The following ENTREP2 variants were observed in gnomAD, a reference collection of about 807,000 sequenced individuals.
ENTREP2 encodes protein ENTREP2.
chr15:29,591,831 A>AGAG, the ENTREP2 span, among the ~76,000 whole-genome samples: 16 of 100,088 alleles, frequency 1.6e-4, no homozygotes, highest in Non-Finnish European at 2.0e-4. Flanking sequence ...CCATCTCAAA[A>AGAG]GAGAAGAAGA....
At chr15:29,330,656 C>T in the ENTREP2 span, among the ~76,000 whole-genome samples, 3 of 152,126 alleles carry the variant, frequency 2.0e-5, no homozygotes, top group South Asian at 4.2e-4. Context: ...AACATGGCGA[C>T]GAAACGTGAT....
the ENTREP2 span, among the ~76,000 whole-genome samples, chr15:29,502,088 A>G: frequency 6.6e-6 from 1 of 151,844 alleles, no homozygotes; most frequent in Non-Finnish European, 1.5e-5. Flanking sequence ...CAAAAATCTC[A>G]TCGAGAATTT....
At chr15:29,205,671 T>G in the ENTREP2 span, among the ~76,000 whole-genome samples, 2 of 152,220 alleles carry the variant, frequency 1.3e-5, no homozygotes, top group East Asian at 3.8e-4. Flanking sequence ...TTGGGTTGTT[T>G]GTGTTCTTGT....
chr15:29,637,282 G>C, the ENTREP2 span, among the ~76,000 whole-genome samples: 44 of 152,302 alleles, frequency 2.9e-4, 1 homozygote, highest in East Asian at 3.7e-3. Context: ...GAAATAGTAG[G>C]GGGTGGCAAT....
the ENTREP2 span, among the ~76,000 whole-genome samples, chr15:29,295,724 A>T: frequency 2.4e-3 from 371 of 152,316 alleles, 1 homozygote; most frequent in African/African-American, 8.5e-3. Context: ...TCTGATAACC[A>T]TCCTGGCTAC....
chr15:29,220,822 A>G, the ENTREP2 span, among the ~76,000 whole-genome samples: 1 of 152,284 alleles, frequency 6.6e-6, no homozygotes, highest in African/African-American at 2.4e-5. Context: ...GGGAAAAAAA[A>G]AAACTACCTG....
the ENTREP2 span, chr15:29,269,279 C>T: frequency 6.2e-7 from 1 of 1,614,222 alleles, no homozygotes; most frequent in African/African-American, 1.3e-5. Flanking sequence ...TCAAGTTCCA[C>T]CAGCTTATAC....
At chr15:29,577,140 A>G in the ENTREP2 span, among the ~76,000 whole-genome samples, 7 of 152,058 alleles carry the variant, frequency 4.6e-5, no homozygotes, top group African/African-American at 1.7e-4. Flanking sequence ...AGAAAGAAAG[A>G]AAGGAGCAAG....
the ENTREP2 span, among the ~76,000 whole-genome samples, chr15:29,471,389 C>A: frequency 1.3e-5 from 2 of 152,210 alleles, no homozygotes. Context: ...CCAGCATGGA[C>A]TGGGATGTGC....
chr15:29,412,582 A>G, the ENTREP2 span, among the ~76,000 whole-genome samples: 1 of 152,130 alleles, frequency 6.6e-6, no homozygotes, highest in Admixed American at 6.5e-5. Context: ...ACGTTTTTCT[A>G]TAAATCTGTC....
chr15:29,139,046 G>A, the ENTREP2 span, among the ~76,000 whole-genome samples: 1 of 152,142 alleles, frequency 6.6e-6, no homozygotes, highest in African/African-American at 2.4e-5. Flanking sequence ...GACTGGAGCT[G>A]CGTGGTAGGA....
At chr15:29,331,410 G>T in the ENTREP2 span, among the ~76,000 whole-genome samples, 4 of 152,072 alleles carry the variant, frequency 2.6e-5, no homozygotes, top group African/African-American at 9.7e-5. Flanking sequence ...GGGGAGGTCA[G>T]GTCAGAACAC....
At chr15:29,444,202 G>GAAAGAAAGAAAGAAAGAAAGA in the ENTREP2 span, among the ~76,000 whole-genome samples, 5 of 142,628 alleles carry the variant, frequency 3.5e-5, no homozygotes, top group African/African-American at 1.4e-4. Flanking sequence ...AAGAAAGAAA[G>GAAAGAAAGAAAGAAAGAAAGA]AAAGAAAGAA....
the ENTREP2 span, among the ~76,000 whole-genome samples, chr15:29,444,170 C>CAAAGAAAG: frequency 1.5e-3 from 105 of 71,494 alleles, 2 homozygotes; most frequent in Admixed American, 2.9e-3. Context: ...GAAAGACAGA[C>CAAAGAAAG]AAAGAAAGAA....
At chr15:29,357,657 G>A in the ENTREP2 span, among the ~76,000 whole-genome samples, 1 of 151,986 alleles carries the variant, frequency 6.6e-6, no homozygotes, top group African/African-American at 2.4e-5. Context: ...CTAACATGGT[G>A]AAACCTCGTC....
At chr15:29,330,325 T>G in the ENTREP2 span, among the ~76,000 whole-genome samples, 2 of 149,878 alleles carry the variant, frequency 1.3e-5, no homozygotes, top group South Asian at 2.1e-4. Flanking sequence ...GGCATGAGCG[T>G]GTAGTCCCAG....
the ENTREP2 span, among the ~76,000 whole-genome samples, chr15:29,280,383 C>G: frequency 1.3e-5 from 2 of 152,146 alleles, no homozygotes; most frequent in Non-Finnish European, 2.9e-5. Flanking sequence ...CTATGTGGAG[C>G]TGTCAAAAGC....
the ENTREP2 span, among the ~76,000 whole-genome samples, chr15:29,207,466 G>GGGGGGGGGC: frequency 6.6e-6 from 1 of 150,564 alleles, no homozygotes; most frequent in African/African-American, 2.5e-5. Flanking sequence ...GGGGGGGGTG[G>GGGGGGGGGC]CCAGCTTTTA....
At chr15:29,481,434 C>T in the ENTREP2 span, among the ~76,000 whole-genome samples, 6 of 151,986 alleles carry the variant, frequency 3.9e-5, no homozygotes, top group South Asian at 2.1e-4. Context: ...ACAACCCTCC[C>T]GCTCTCAAGT....
Sources: allele counts gnomAD v4.1 joint callset (sites outside exome capture counted in the v4.1 genomes callset), GRCh38; gene constraint gnomAD v4.1.1; transcripts MANE v1.5; gene names NCBI Gene and HGNC (gene_info 2026-07-23, HGNC 2026-07-21).